Variants in ACACA observed in about 807,000 individuals in gnomAD.
ACACA encodes the protein acetyl-CoA carboxylase alpha, also known as acetyl-CoA carboxylase 1.
Under a neutral mutation model 296.1 loss-of-function variants are expected in ACACA, and 103 were observed. The observed-to-expected ratio is 0.35, with a 90% confidence interval of 0.30 to 0.41. ACACA has a LOEUF of 0.41. Among genes scored for constraint, ACACA ranks in the 10% least tolerant of loss-of-function variants. ACACA has a pLI of 1.00. For synonymous variants in ACACA, 953 were observed against 1,038.6 expected (o/e 0.92, Z 1.58); for missense variants, 1,554 against 2,989.7 (o/e 0.52, Z 11.20).
Position 37,089,052 on chromosome 17 carries a change from T to C in ACACA, c.6914A>G (p.Lys2305Arg). Residue 2305 changes from lysine to arginine, a missense_variant, in exon 55 of 56, where the codon AAG becomes AGG. By Grantham distance (26) the Lys-to-Arg change is conservative (BLOSUM62 2). Transcript: ENST00000616317. ...TTTCTCTAGCCACTCCGCCAGATCCTTATTATTGTCCCAAACATAAGCCTG... is the reference window on the plus strand; with the variant it reads ...TTTCTCTAGCCACTCCGCCAGATCCCTATTATTGTCCCAAACATAAGCCTG... ...TVKAYVWDNN[K>R]DLAEWLEKQL... The C allele has an allele frequency of 6.2e-7, 1 of 1,614,202 alleles. No homozygotes were observed. The highest frequency in any genetic ancestry group is 1.1e-5 in the South Asian group (1 of 91,086).
At chr17:37,243,268 C>T (rs1379544830) in intron 22 of ACACA, 103 bp downstream of exon 22, 11 of 1,253,456 alleles carry the variant, frequency 8.8e-6, no homozygotes, top group Admixed American at 1.7e-5. Context: ...AGTATACAAG[C>T]ACAACATCCA....
intron 3 of ACACA, among the ~76,000 whole-genome samples, chr17:37,303,913 C>T (rs954448823): frequency 3.9e-5 from 6 of 152,196 alleles, no homozygotes; most frequent in African/African-American, 1.4e-4. Context: ...TTTACATTCC[C>T]ACCAGCAATG....
Position 37,129,528 on chromosome 17 carries a change from A to G in ACACA, c.5824-43T>C, listed in dbSNP as rs756879373. 3 of 1,612,586 alleles carry G rather than the reference A, an allele frequency of 1.9e-6. No individual in the cohort carries two copies. In the African/African-American group the frequency reaches 4.0e-5, roughly 21 times the overall value. On this transcript the variant is annotated intron_variant, in intron 46 of 55. Coordinates refer to ENST00000616317, the MANE Select transcript of ACACA (RefSeq NM_198834.3). ...GAGAGCACAGCAATCAGTGAACGACAGCCCTAGACTCCAACTCAGCAACAA... is the reference window on the plus strand; with the variant it reads ...GAGAGCACAGCAATCAGTGAACGACGGCCCTAGACTCCAACTCAGCAACAA...
At chr17:37,307,727 A>T (rs531755333) in intron 3 of ACACA, among the ~76,000 whole-genome samples, 11 of 151,998 alleles carry the variant, frequency 7.2e-5, no homozygotes, top group Middle Eastern at 3.4e-3. Flanking sequence ...GCTGATACTA[A>T]AGGCGTGTGG....
intron 27 of ACACA, 67 bp downstream of exon 27, chr17:37,224,925 T>G: frequency 1.9e-4 from 130 of 668,632 alleles, no homozygotes; most frequent in Middle Eastern, 4.2e-4. Context: ...AAACTATGCT[T>G]GAGAATAAAG....
rs567724140 is a variant in ACACA at position 37,371,320 on chromosome 17, C to G, written c.39-31470G>C. 2.0e-5 allele frequency among the ~76,000 whole-genome samples: 3 copies of G among 151,900 alleles called. No homozygotes were observed. The East Asian group carries it at 5.9e-4, about 30-fold the overall frequency. On this transcript the variant is annotated intron_variant, in intron 1 of 55. Coordinates refer to ENST00000616317, the MANE Select transcript of ACACA (RefSeq NM_198834.3). ...TCTTGAACTCCTGACCTCAGGTGAT[C>G]CACCTAACTCAGCCTCCCAAAGTGC...
chr17:37,087,769 T>G (rs1015782869), intron 55 of ACACA, among the ~76,000 whole-genome samples: 1 of 152,104 alleles, frequency 6.6e-6, no homozygotes, highest in Non-Finnish European at 1.5e-5. Flanking sequence ...AAAATAGAAC[T>G]TCATGAGTCT....
intron 25 of ACACA, among the ~76,000 whole-genome samples, chr17:37,229,154 A>C (rs2079708475): frequency 6.6e-6 from 1 of 151,938 alleles, no homozygotes; most frequent in African/African-American, 2.4e-5. Context: ...AAAAAAAAAA[A>C]AAAAGCACAC....
chr17:37,105,864 C>CAA (rs61529137), intron 52 of ACACA, among the ~76,000 whole-genome samples: 3 of 115,570 alleles, frequency 2.6e-5, no homozygotes, highest in African/African-American at 2.7e-5. Flanking sequence ...AACTCTGTCT[C>CAA]AAAAAAAAAA....
At chr17:37,138,271 A>G (rs931232942) in intron 45 of ACACA, among the ~76,000 whole-genome samples, 8 of 152,370 alleles carry the variant, frequency 5.3e-5, no homozygotes, top group Admixed American at 2.0e-4. Flanking sequence ...AACATTCCCT[A>G]GAATGATGAA....
At chr17:37,384,550 C>G (rs2050443908) in intron 1 of ACACA, among the ~76,000 whole-genome samples, 1 of 151,008 alleles carries the variant, frequency 6.6e-6, no homozygotes, top group Non-Finnish European at 1.5e-5. Flanking sequence ...TTACTATTAC[C>G]ATCTTACAGA....
At chr17:37,391,011 T>G (rs1396128774) in intron 1 of ACACA, among the ~76,000 whole-genome samples, 2 of 151,466 alleles carry the variant, frequency 1.3e-5, no homozygotes, top group Non-Finnish European at 2.9e-5. Context: ...GAGGCCGAGG[T>G]GGATGGATCA....
At chr17:37,381,088 A>G (rs2050233462) in intron 1 of ACACA, among the ~76,000 whole-genome samples, 1 of 152,034 alleles carries the variant, frequency 6.6e-6, no homozygotes, top group Non-Finnish European at 1.5e-5. Flanking sequence ...ATGAATGTGC[A>G]TATTTTAAAA....
At chr17:37,379,965 C>T (rs1440151771) in intron 1 of ACACA, among the ~76,000 whole-genome samples, 2 of 149,826 alleles carry the variant, frequency 1.3e-5, no homozygotes, top group African/African-American at 4.9e-5. Context: ...GCTATAAAGA[C>T]ACATGCACAC....
Position 37,151,405 on chromosome 17 carries a change from T to C in ACACA, c.5464A>G (p.Ile1822Val), listed in dbSNP as rs2076032180. 1 of 1,613,878 alleles carries C rather than the reference T, an allele frequency of 6.2e-7. No homozygotes were observed. The highest frequency in any genetic ancestry group is 1.1e-5 in the South Asian group (1 of 91,080). Residue 1822 changes from isoleucine (I) to valine (V), a missense_variant, in exon 44 of 56, where the codon ATT (isoleucine) becomes GTT (valine). Around this residue, in one of 16 missense-constraint regions of ACACA, gnomAD observed 553 missense variants for 1,043.6 expected, o/e 0.53. Transcript: ENST00000616317. ...CCAATTCCCTCTTCTTTCCCAATAA[T>C]ATCTGTTATCTTGTACCTATTGGAT... Reference protein sequence around the residue: ...EGESRYKITDIIGKEEGIGPE... With the variant: ...EGESRYKITDVIGKEEGIGPE...
At chr17:37,141,414 C>A in intron 45 of ACACA, 2 of 307,488 alleles carry the variant, frequency 6.5e-6, no homozygotes, top group South Asian at 3.3e-5. Flanking sequence ...CTCAGGCACC[C>A]CCACACCTGG....
chr17:37,118,614 C>T (rs760231198), intron 50 of ACACA, among the ~76,000 whole-genome samples: 1 of 152,172 alleles, frequency 6.6e-6, no homozygotes, highest in Non-Finnish European at 1.5e-5. Flanking sequence ...CAGGGAGCTA[C>T]ATCACATCAG....
At chr17:37,135,159 G>A (rs2075278949) in intron 45 of ACACA, among the ~76,000 whole-genome samples, 1 of 152,182 alleles carries the variant, frequency 6.6e-6, no homozygotes, top group African/African-American at 2.4e-5. Flanking sequence ...ATTTTAAGTG[G>A]TGCTGCACAT....
At chr17:37,389,183 T>C (rs1402835998) in intron 1 of ACACA, 4 of 1,530,168 alleles carry the variant, frequency 2.6e-6, no homozygotes, top group Admixed American at 4.2e-5. Flanking sequence ...AACAAGAGGT[T>C]TGGAAGAAAA....
Sources: gnomAD v4.1 joint callset for allele counts (sites outside exome capture counted in the v4.1 genomes callset) on GRCh38, gnomAD v4.1.1 for gene constraint, gnomAD v4.1.1 regional missense constraint, MANE v1.5 for transcripts, NCBI Gene and HGNC (gene_info 2026-07-23, HGNC 2026-07-21) for gene names.